Variants in PARVG observed in about 807,000 individuals in gnomAD.
PARVG encodes gamma-parvin.
In PARVG, 36 loss-of-function variants were observed where a neutral mutation model predicts 44.4. The ratio of observed to expected loss-of-function variants is 0.81; its 90% confidence interval spans 0.62 to 1.07. The LOEUF (loss-of-function observed/expected upper bound fraction) is 1.07. Among genes scored for constraint, PARVG ranks in the 50% least tolerant of loss-of-function variants. The pLI is 0.00. For synonymous variants in PARVG, 170 were observed against 174.1 expected (o/e 0.98, Z 0.19); for missense variants, 407 against 407.4 (o/e 1.00, Z 0.01).
At chr22:44,188,781 G>A (rs75384773) in intron 5 of PARVG, 111 of 334,416 alleles carry the variant, frequency 3.3e-4, no homozygotes, top group African/African-American at 2.2e-3. Context: ...CAGAGATGAA[G>A]TGGACACAGC....
chr22:44,183,276 G>A (rs1047940190), intron 2 of PARVG, 42 bp from the exon 3 acceptor site: 2 of 1,546,994 alleles, frequency 1.3e-6, no homozygotes, highest in Non-Finnish European at 8.7e-7. Context: ...TGAGTTTGGG[G>A]CTTCTCAGAC....
intron 12 of PARVG, among the ~76,000 whole-genome samples, chr22:44,201,381 A>T (rs768234234): frequency 6.6e-6 from 1 of 152,070 alleles, no homozygotes; most frequent in African/African-American, 2.4e-5. Context: ...CAGCTGCTCA[A>T]TGGCAGCCTC....
intron 5 of PARVG, 136 bp from the exon 6 acceptor site, chr22:44,188,978 G>A (rs1173553819): frequency 7.6e-6 from 9 of 1,178,226 alleles, no homozygotes; most frequent in Admixed American, 2.1e-5. Context: ...TGTGGCCCAC[G>A]GTCCAACACC....
chr22:44,189,159 C>G lies in PARVG; in HGVS notation c.293C>G (p.Thr98Arg). 6.2e-7 allele frequency: 1 copy of G among 1,614,186 alleles called. No individual in the cohort carries two copies. Among genetic ancestry groups the G allele is most frequent in the Non-Finnish European group, 8.5e-7 (1 of 1,180,042 alleles). ...LKLEAEDIAL[T>R]ATSQKHKLTV... Reference sequence around the variant, plus strand: ...CTGGAAGCAGAGGACATCGCCCTGACAGCCACAAGCCAGAAGCACAAGCTC... The same window carrying G: ...CTGGAAGCAGAGGACATCGCCCTGAGAGCCACAAGCCAGAAGCACAAGCTC... The change falls in exon 6 of 14, where the codon ACA (threonine) becomes AGA (arginine). Residue 98 changes from threonine (T) to arginine (R), a missense_variant. Coordinates refer to ENST00000444313, the MANE Select transcript of PARVG (RefSeq NM_022141.7).
At chr22:44,201,286 C>T (rs2054704677) in intron 12 of PARVG, among the ~76,000 whole-genome samples, 1 of 152,216 alleles carries the variant, frequency 6.6e-6, no homozygotes, top group Non-Finnish European at 1.5e-5. Flanking sequence ...CACCCTCCCT[C>T]CTTGCCCCTG....
chr22:44,181,447 T>C (rs1038537916), intron 1 of PARVG: 71 of 957,446 alleles, frequency 7.4e-5, no homozygotes, highest in Non-Finnish European at 8.6e-5. Flanking sequence ...AGGACGGCGG[T>C]GCGGGATGGA....
chr22:44,177,678 A>T (rs1048317650), upstream of PARVG, among the ~76,000 whole-genome samples: 1 of 152,132 alleles, frequency 6.6e-6, no homozygotes, highest in African/African-American at 2.4e-5. Context: ...GCGCATCATT[A>T]CCAGGAGACA....
Position 44,187,753 on chromosome 22 carries a change from A to T in PARVG, c.145-23A>T, listed in dbSNP as rs142198953. On this transcript the variant is annotated intron_variant, in intron 4 of 13. Coordinates refer to ENST00000444313, the MANE Select transcript of PARVG (RefSeq NM_022141.7). ...GGTGAGAAGTCTCCATCCCCCCAAA[A>T]GTTGTCCCCTTGGAGCCTGCAGGTG... 43 of 1,613,250 alleles carry T rather than the reference A, an allele frequency of 2.7e-5. No homozygotes were observed. The African/African-American group carries it at 4.8e-4, about 18-fold the overall frequency.
At chr22:44,200,042 C>G (rs2054685015) in intron 12 of PARVG, among the ~76,000 whole-genome samples, 1 of 152,144 alleles carries the variant, frequency 6.6e-6, no homozygotes, top group Non-Finnish European at 1.5e-5. Flanking sequence ...GCAGCTCCCA[C>G]CGCCTCTTCC....
chr22:44,187,782 A>C lies in PARVG; in HGVS notation c.151A>C (p.Met51Leu), dbSNP rs1569180473. ...PKFEELQKVL[M>L]EWINATLLPE... is the part of the protein sequence containing the mutation. ...GTCCCCTTGGAGCCTGCAGGTGTTG[A>C]TGGAGTGGATCAATGCCACTCTTCT... The change falls in exon 5 of 14, where the codon ATG (methionine) becomes CTG (leucine). Residue 51 changes from methionine (M) to leucine (L), a missense_variant. Transcript: ENST00000444313. 6.2e-7 allele frequency: 1 copy of C among 1,614,222 alleles called. No homozygotes were observed. Among genetic ancestry groups the C allele is most frequent in the Non-Finnish European group, 8.5e-7 (1 of 1,180,034 alleles).
rs375434128 is a variant in PARVG, at chr22:44,186,957, G to T, written c.145-819G>T. 15 of 294,466 alleles carry T rather than the reference G, an allele frequency of 5.1e-5. No individual in the cohort carries two copies. In the East Asian group the frequency reaches 1.0e-3, roughly 20 times the overall value. The allele number at this position is 294,466 out of a possible 1,614,324, so 18.2% of individuals were successfully genotyped here. A position where few individuals can be genotyped will look rare whatever the true frequency, so the allele number is the denominator to read the frequency against. ...ACAGCTGCTCCCTGAGAAAGGGCTG[G>T]GCCTTGATTCCCTGGCACTCTGACC... On this transcript the variant is annotated intron_variant, in intron 4 of 13. Transcript: ENST00000444313.
In PARVG at chr22:44,181,849, CCATT is replaced by C. The variant is rs2054384299; in HGVS notation, c.-79_-76del. 1 of 985,406 alleles carries C rather than the reference CCATT, an allele frequency of 1.0e-6. No individual in the cohort carries two copies. The highest frequency in any genetic ancestry group is 1.2e-6 in the Non-Finnish European group (1 of 830,004). 61.0% of individuals were successfully genotyped at this position (985,406 alleles called of 1,614,324 possible). ...CCCCAGAAGAACCCGGAACTTGCTTCCATTCGGAATCCAGGGACCACCCTTTGCA... is the reference window on the plus strand; with the variant it reads ...CCCCAGAAGAACCCGGAACTTGCTTCCGGAATCCAGGGACCACCCTTTGCA... On this transcript the variant is annotated 5_prime_UTR_variant, in exon 2 of 14. Transcript: ENST00000444313.
At position 44,207,638 on chromosome 22, in the gene PARVG, G is replaced by A. The variant is rs1488333113; in HGVS notation, c.*1212G>A. The A allele has an allele frequency of 1.3e-5, 2 of 152,242 alleles. No homozygotes were observed. The highest frequency in any genetic ancestry group is 2.4e-5 in the African/African-American group (1 of 41,372). The allele number at this position is 152,242 out of a possible 1,614,324, so 9.4% of individuals were successfully genotyped here. On this transcript the variant is annotated 3_prime_UTR_variant, in exon 14 of 14. Transcript: ENST00000444313. Reference sequence around the variant, plus strand: ...GGAGGGGCTTTAGATGGGGGTTAGGGGCTAGGTCATCATTGACACCCACTG... The same window carrying A: ...GGAGGGGCTTTAGATGGGGGTTAGGAGCTAGGTCATCATTGACACCCACTG...
chr22:44,186,416 C>A, intron 4 of PARVG: 1 of 381,780 alleles, frequency 2.6e-6, no homozygotes. Context: ...CTGTTTCCCT[C>A]AGCGTCTGTG....
intron 5 of PARVG, 106 bp downstream of exon 5, chr22:44,187,984 C>A: frequency 2.6e-6 from 3 of 1,139,246 alleles, no homozygotes; most frequent in East Asian, 4.9e-5. Context: ...ACAATGGTCC[C>A]GGGTTTAGGG....
intron 4 of PARVG, 87 bp from the exon 5 acceptor site, chr22:44,187,689 C>T (rs1462319862): frequency 4.9e-6 from 6 of 1,231,862 alleles, no homozygotes; most frequent in Non-Finnish European, 6.0e-6. Flanking sequence ...TAGGAGTTGG[C>T]AGGCGAGAGG....
chr22:44,175,506 G>T (rs1455258175), intron 1 of PARVG, among the ~76,000 whole-genome samples: 1 of 152,246 alleles, frequency 6.6e-6, no homozygotes, highest in Non-Finnish European at 1.5e-5. Context: ...GTTTTCCGTG[G>T]AAACCCACTC....
intron 11 of PARVG, among the ~76,000 whole-genome samples, chr22:44,197,517 C>G (rs572882442): frequency 1.3e-5 from 2 of 152,158 alleles, no homozygotes; most frequent in Non-Finnish European, 2.9e-5. Context: ...ATGGTGGCCA[C>G]GTGAGAAGTT....
In PARVG at chr22:44,181,863, G is replaced by C; in HGVS notation, c.-67G>C. On this transcript the variant is annotated 5_prime_UTR_variant, in exon 2 of 14. Coordinates refer to ENST00000444313, the MANE Select transcript of PARVG (RefSeq NM_022141.7). ...GGAACTTGCTTCCATTCGGAATCCA[G>C]GGACCACCCTTTGCACTCAGTAGGC... The C allele has an allele frequency of 1.0e-6, 1 of 985,522 alleles. No individual in the cohort carries two copies. The highest frequency in any genetic ancestry group is 1.2e-6 in the Non-Finnish European group (1 of 830,024). 61.0% of individuals were successfully genotyped at this position (985,522 alleles called of 1,614,324 possible). A position where few individuals can be genotyped will look rare whatever the true frequency, so the allele number is the denominator to read the frequency against.
Sources: allele counts gnomAD v4.1 joint callset (sites outside exome capture counted in the v4.1 genomes callset), GRCh38; gene constraint gnomAD v4.1.1; transcripts MANE v1.5; gene names NCBI Gene and HGNC (gene_info 2026-07-23, HGNC 2026-07-21).